The following ERN1 variants were observed in gnomAD, a reference collection of about 807,000 sequenced individuals.
ERN1 encodes serine/threonine-protein kinase/endoribonuclease IRE1.
In ERN1, 39 loss-of-function variants were observed where a neutral mutation model predicts 113.1. The observed-to-expected ratio is 0.34, with a 90% confidence interval of 0.27 to 0.45. The LOEUF (loss-of-function observed/expected upper bound fraction) is 0.45, where lower values mean the gene tolerates loss of function less well. Among genes scored for constraint, ERN1 ranks in the 20% least tolerant of loss-of-function variants. The pLI is 1.00. For synonymous variants in ERN1, 507 were observed against 515.9 expected, an observed-to-expected ratio of 0.98 and a Z score of 0.23; for missense variants, 976 against 1,274.8, an observed-to-expected ratio of 0.77 and a Z score of 3.57.
chr17:64,055,558 G>T, intron 13 of ERN1, 117 bp downstream of exon 13: 1 of 989,128 alleles, frequency 1.0e-6, no homozygotes, highest in Non-Finnish European at 1.4e-6. Context: ...GGAAGTTAGA[G>T]GAGAACACAG....
Position 64,063,077 on chromosome 17 carries a change from C to T in ERN1, c.1087+909G>A, listed in dbSNP as rs1913103253. 6.6e-6 allele frequency among the ~76,000 whole-genome samples: 1 copy of T among 152,246 alleles called. No homozygotes were observed. The highest frequency in any genetic ancestry group is 2.1e-4 in the South Asian group (1 of 4,838). On this transcript the variant is annotated intron_variant, in intron 10 of 21. Coordinates refer to ENST00000433197, the MANE Select transcript of ERN1 (RefSeq NM_001433.5). The surrounding 1 kb of genome is among the most constrained non-coding windows in gnomAD (Gnocchi z 5.1). ...CTCTTTTCCAGAGCCCCAGCCCTGACCTCTTTCTCCCCTAGTACCTGTCAC... is the reference window on the plus strand; with the variant it reads ...CTCTTTTCCAGAGCCCCAGCCCTGATCTCTTTCTCCCCTAGTACCTGTCAC...
At chr17:64,083,144 C>T (rs939282638) in intron 2 of ERN1, among the ~76,000 whole-genome samples, 1 of 151,958 alleles carries the variant, frequency 6.6e-6, no homozygotes, top group African/African-American at 2.4e-5. Context: ...GCGGGGAGGA[C>T]AGATAAAACA....
chr17:64,096,639 G>A (rs1445981237), intron 2 of ERN1, among the ~76,000 whole-genome samples: 2 of 152,156 alleles, frequency 1.3e-5, no homozygotes, highest in African/African-American at 4.8e-5. Flanking sequence ...CTGCTATACA[G>A]TATCTCTCAC....
intron 7 of ERN1, among the ~76,000 whole-genome samples, chr17:64,067,522 C>T (rs955697174): frequency 6.6e-6 from 1 of 151,046 alleles, no homozygotes; most frequent in Admixed American, 6.6e-5. Context: ...GTGGGAAGAT[C>T]GCTTGAGCCT....
Position 64,071,987 on chromosome 17 carries a change from G to A in ERN1, c.472C>T (p.Arg158Ter). Residue 158 changes from arginine to a stop codon, truncating the protein, a stop_gained, in exon 6 of 22, where the codon CGA becomes TGA. Coordinates refer to ENST00000433197, the MANE Select transcript of ERN1 (RefSeq NM_001433.5). LOFTEE classifies it high-confidence loss of function. ...ACAAAGGTTCATTTCTTACCTGTTC[G>A]CCCAAGATACAGAAGAGAGGTTGAT... ...CPSTSLLYLG[R>*]TEYTITMYDT... 4 of 1,565,482 alleles carry A rather than the reference G, an allele frequency of 2.6e-6. No individual in the cohort carries two copies. The highest frequency in any genetic ancestry group is 3.5e-6 in the Non-Finnish European group (4 of 1,154,084).
At chr17:64,097,621 A>G (rs9893311) in intron 2 of ERN1, among the ~76,000 whole-genome samples, 3,987 of 152,332 alleles carry the variant, frequency 0.026, 187 homozygotes, top group African/African-American at 0.091. Flanking sequence ...TTAAGTAAGA[A>G]AGAAGCTCAG....
chr17:64,121,859 T>C (rs530847706), intron 1 of ERN1, among the ~76,000 whole-genome samples: 51 of 152,334 alleles, frequency 3.3e-4, no homozygotes, highest in African/African-American at 1.2e-3. Context: ...GCCAATTTCC[T>C]TGATGGAGAC....
In ERN1 at chr17:64,064,168, G is replaced by T; in HGVS notation, c.922-17C>A. 1 of 1,575,358 alleles carries T rather than the reference G, an allele frequency of 6.3e-7. No homozygotes were observed. The highest frequency in any genetic ancestry group is 2.3e-5 in the East Asian group (1 of 42,904). On this transcript the variant is annotated splice_polypyrimidine_tract_variant and intron_variant, in intron 9 of 21. Transcript: ENST00000433197. ...GCCGCGGGGCTGTGGAGAGGGTGCAGTGAGGGTCAGGAGCCCTGGAGGGAG... is the reference window on the plus strand; with the variant it reads ...GCCGCGGGGCTGTGGAGAGGGTGCATTGAGGGTCAGGAGCCCTGGAGGGAG...
At chr17:64,079,780 C>T in intron 3 of ERN1, 46 bp from the exon 4 acceptor site, 1 of 1,491,026 alleles carries the variant, frequency 6.7e-7, no homozygotes, top group Admixed American at 1.8e-5. Context: ...CAGCCCAGGG[C>T]ATGGAACAAC....
intron 2 of ERN1, among the ~76,000 whole-genome samples, chr17:64,085,285 C>T (rs2031940778): frequency 6.6e-6 from 1 of 152,180 alleles, no homozygotes; most frequent in African/African-American, 2.4e-5. Flanking sequence ...ATGGCATTAG[C>T]ATTTGCCTCT....
chr17:64,126,481 T>G (rs1935967234), intron 1 of ERN1, among the ~76,000 whole-genome samples: 1 of 152,134 alleles, frequency 6.6e-6, no homozygotes, highest in African/African-American at 2.4e-5. Flanking sequence ...TGAAGAAACT[T>G]TAATGCGGCT....
At position 64,055,701 on chromosome 17, in the gene ERN1, C is replaced by A. The variant is rs779078825; in HGVS notation, c.1646G>T (p.Ser549Ile). The change falls in exon 13 of 22, where the codon AGC becomes ATC. Residue 549 changes from serine to isoleucine, a missense_variant. Ser to Ile is a moderately radical substitution (Grantham distance 142). Transcript: ENST00000433197. ...TCCATCGTCTTGTTCCAGGGAGGGG[C>A]TGCTGCCAGCCTTGGAGGCAGAGCT... ...SGSSASKAGS[S>I]PSLEQDDGDE... 6.2e-7 allele frequency: 1 copy of A among 1,601,250 alleles called. No homozygotes were observed. The highest frequency in any genetic ancestry group is 1.7e-5 in the Admixed American group (1 of 57,876).
At chr17:64,112,556 G>A (rs971247034) in intron 1 of ERN1, among the ~76,000 whole-genome samples, 3 of 152,116 alleles carry the variant, frequency 2.0e-5, no homozygotes, top group African/African-American at 4.8e-5. Flanking sequence ...AGTATAATGT[G>A]GTTGTTAAAA....
At chr17:64,085,683 C>A (rs1465998217) in intron 2 of ERN1, among the ~76,000 whole-genome samples, 2 of 152,198 alleles carry the variant, frequency 1.3e-5, no homozygotes, top group African/African-American at 4.8e-5. Context: ...CACCCTGAAC[C>A]CAGGATCTGC....
At chr17:64,129,361 C>T (rs371741977) in intron 1 of ERN1, 7 of 154,980 alleles carry the variant, frequency 4.5e-5, no homozygotes, top group African/African-American at 1.7e-4. Flanking sequence ...TCAAGGAAGT[C>T]TCGGTGCACA....
chr17:64,105,086 A>T (rs922297152), intron 1 of ERN1, among the ~76,000 whole-genome samples: 1 of 152,118 alleles, frequency 6.6e-6, no homozygotes, highest in Non-Finnish European at 1.5e-5. Flanking sequence ...ATGTAAATGG[A>T]TCAAGTCCAA....
intron 1 of ERN1, chr17:64,102,906 A>G (rs749478885): frequency 2.0e-6 from 2 of 985,432 alleles, no homozygotes; most frequent in Non-Finnish European, 2.4e-6. Context: ...AGGTTAAAAA[A>G]AAAAAGTGGA....
intron 1 of ERN1, among the ~76,000 whole-genome samples, chr17:64,099,128 GATAA>G (rs1282223909): frequency 6.6e-6 from 1 of 152,018 alleles, no homozygotes; most frequent in Non-Finnish European, 1.5e-5. Context: ...AAATGGCTAA[GATAA>G]ATAAAGACAT....
chr17:64,045,540 G>A (rs1912486839), intron 19 of ERN1, 58 bp from the exon 20 acceptor site: 1 of 1,610,156 alleles, frequency 6.2e-7, no homozygotes, highest in African/African-American at 1.3e-5. Context: ...TGAGAGCTGT[G>A]CGACTGGGAC....
Sources: gnomAD v4.1 joint callset for allele counts (sites outside exome capture counted in the v4.1 genomes callset) on GRCh38, gnomAD v4.1.1 for gene constraint, Gnocchi (gnomAD v3.1) non-coding constraint, MANE v1.5 for transcripts, NCBI Gene and HGNC (gene_info 2026-07-23, HGNC 2026-07-21) for gene names.